CEACAM8: variants seen among roughly 807,000 people sequenced by gnomAD.
CEACAM8 encodes CEA cell adhesion molecule 8, also known as cell adhesion molecule CEACAM8.
CEACAM8 carries 31 observed loss-of-function variants against 33.4 expected under a neutral mutation model. The observed-to-expected ratio is 0.93, with a 90% CI of 0.70 to 1.25. CEACAM8 has a LOEUF of 1.25. Among genes scored for constraint, CEACAM8 ranks in the 50% most tolerant of loss-of-function variants. The probability of loss-of-function intolerance (pLI) is 0.00; values close to 1 mark genes in which losing one functional copy is unlikely to be tolerated. For synonymous variants in CEACAM8, 138 were observed against 164.5 expected (o/e 0.84, Z 1.23); for missense variants, 388 against 434.6 (o/e 0.89, Z 0.95).
chr19:42,592,619 A>G (rs1355133575), intron 2 of CEACAM8, among the ~76,000 whole-genome samples: 1 of 151,270 alleles, frequency 6.6e-6, no homozygotes, highest in African/African-American at 2.4e-5. Flanking sequence ...AAAAAAAAAA[A>G]AGAAATAAAA....
chr19:42,583,297 T>C lies in CEACAM8; in HGVS notation c.999A>G (p.Arg333=), dbSNP rs750122739. 4 of 1,613,508 alleles carry C rather than the reference T, an allele frequency of 2.5e-6. No homozygotes were observed. Among genetic ancestry groups the C allele is most frequent in the African/African-American group, 1.3e-5 (1 of 74,860 alleles). Residue 333 remains arginine (R), a synonymous_variant, in exon 5 of 6, where the codon AGA becomes AGG. Transcript: ENST00000244336. ...VQGSSPGLSA[R]ATVSIMIGVL... ...CTCCAATCATGATGCTGACAGTGGC[T>C]CTAGCTGAGAGGCCAGGAGAACTTC... is the stretch of plus-strand genomic sequence containing the variant.
chr19:42,584,716 A>G (rs2042306432), intron 4 of CEACAM8, among the ~76,000 whole-genome samples: 1 of 152,254 alleles, frequency 6.6e-6, no homozygotes, highest in Non-Finnish European at 1.5e-5. Flanking sequence ...TGTGCAAGAA[A>G]TTTATAACTG....
At chr19:42,588,242 C>G (rs1292168478) in intron 4 of CEACAM8, among the ~76,000 whole-genome samples, 1 of 152,170 alleles carries the variant, frequency 6.6e-6, no homozygotes, top group Admixed American at 6.5e-5. Context: ...CTTTTCCATA[C>G]ACCTGGGTCC....
At chr19:42,590,543 G>A (rs2042418498) in intron 2 of CEACAM8, among the ~76,000 whole-genome samples, 1 of 152,242 alleles carries the variant, frequency 6.6e-6, no homozygotes, top group Non-Finnish European at 1.5e-5. Flanking sequence ...GACGGGTGGG[G>A]AGGGGGAGCC....
At position 42,593,742 on chromosome 19, in the gene CEACAM8, C is replaced by A; in HGVS notation, c.223G>T (p.Ala75Ser). 2 of 1,614,044 alleles carry A rather than the reference C, an allele frequency of 1.2e-6. No homozygotes were observed. The highest frequency in any genetic ancestry group is 1.7e-6 in the Non-Finnish European group (2 of 1,180,006). ...YNWYKGETVD[A>S]NRRIIGYVIS... is the part of the protein sequence containing the mutation. ...ACATATCCTATAATTCGACGGTTGG[C>A]ATCCACTGTTTCCCCTTTGTACCAG... Residue 75 changes from alanine (A) to serine (S), a missense_variant, in exon 2 of 6, where the codon GCC (alanine) becomes TCC (serine). Transcript: ENST00000244336.
Position 42,594,759 on chromosome 19 carries a change from C to G in CEACAM8, c.64+6G>C, listed in dbSNP as rs748229439. On this transcript the variant is annotated splice_donor_region_variant and intron_variant, in intron 1 of 5. Coordinates refer to ENST00000244336, the MANE Select transcript of CEACAM8 (RefSeq NM_001816.4). Reference sequence around the variant, plus strand: ...CCTGTCCTTTCCCAGGAAGTCCTCTCCTCACCTGTGAGCAGGAGCCCCTGC... The same window carrying G: ...CCTGTCCTTTCCCAGGAAGTCCTCTGCTCACCTGTGAGCAGGAGCCCCTGC... The G allele has an allele frequency of 5.0e-6, 8 of 1,608,290 alleles. No individual in the cohort carries two copies. In the East Asian group the frequency reaches 1.8e-4, roughly 36 times the overall value.
At chr19:42,594,601 G>A (rs1305808853) in intron 1 of CEACAM8, among the ~76,000 whole-genome samples, 164 bp downstream of exon 1, 1 of 152,124 alleles carries the variant, frequency 6.6e-6, no homozygotes, top group Non-Finnish European at 1.5e-5. Context: ...CCAGTTCAAT[G>A]TGATTTTCCT....
At position 42,589,710 on chromosome 19, in the gene CEACAM8, G is replaced by A. The variant is rs1600297971; in HGVS notation, c.450C>T (p.Ser150=). 1.9e-6 allele frequency: 3 copies of A among 1,614,112 alleles called. No homozygotes were observed. The highest frequency in any genetic ancestry group is 2.7e-5 in the African/African-American group (2 of 74,924). ...VHPETPKPSI[S]SNNSNPVEDK... ...CCTCCACGGGGTTGGAGTTGTTGCTGGAGATGGAGGGCTTGGGAGTCTCCG... is the reference window on the plus strand; with the variant it reads ...CCTCCACGGGGTTGGAGTTGTTGCTAGAGATGGAGGGCTTGGGAGTCTCCG... Residue 150 remains serine, a synonymous_variant, in exon 3 of 6, where the codon TCC becomes TCT. Transcript: ENST00000244336.
chr19:42,590,713 G>A (rs1201956478), intron 2 of CEACAM8, among the ~76,000 whole-genome samples: 1 of 152,144 alleles, frequency 6.6e-6, no homozygotes, highest in East Asian at 1.9e-4. Flanking sequence ...ACTTACATGA[G>A]GTTCCTAGGG....
At chr19:42,583,037 G>A (rs1489836371) in intron 5 of CEACAM8, 169 bp downstream of exon 5, 1 of 557,370 alleles carries the variant, frequency 1.8e-6, no homozygotes, top group African/African-American at 1.9e-5. Flanking sequence ...AAGAGACAGT[G>A]GGGTACAGGG....
chr19:42,592,090 C>T (rs2042451000), intron 2 of CEACAM8, among the ~76,000 whole-genome samples: 1 of 152,150 alleles, frequency 6.6e-6, no homozygotes, highest in Non-Finnish European at 1.5e-5. Context: ...GCTCTCACTT[C>T]TCTGAGCTTT....
In CEACAM8 at chr19:42,583,233, T is replaced by C; in HGVS notation, c.*13A>G. On this transcript the variant is annotated 3_prime_UTR_variant, in exon 5 of 6. Transcript: ENST00000244336. ...GCCAGTCTTCTTGAAATGCAGAAAC[T>C]ACACCAGAGCTACTATATCAGAGCC... is the stretch of plus-strand genomic sequence containing the variant. 6.4e-7 allele frequency: 1 copy of C among 1,555,382 alleles called. No homozygotes were observed. Among genetic ancestry groups the C allele is most frequent in the Non-Finnish European group, 8.8e-7 (1 of 1,131,132 alleles).
chr19:42,591,369 G>A (rs1232123181), intron 2 of CEACAM8, among the ~76,000 whole-genome samples: 1 of 152,194 alleles, frequency 6.6e-6, no homozygotes, highest in Admixed American at 6.5e-5. Context: ...CCCAGGTAGA[G>A]GGAGGCACGT....
At chr19:42,588,667 G>A (rs2042376781) in intron 4 of CEACAM8, 117 bp downstream of exon 4, 4 of 1,134,154 alleles carry the variant, frequency 3.5e-6, no homozygotes, top group African/African-American at 3.1e-5. Context: ...AAAAGTTGGG[G>A]ATTTGCTTGT....
intron 4 of CEACAM8, among the ~76,000 whole-genome samples, chr19:42,584,387 A>C (rs1457055689): frequency 2.6e-5 from 4 of 152,210 alleles, no homozygotes; most frequent in Admixed American, 2.6e-4. Flanking sequence ...TGATTTATAC[A>C]ATAACTCTCT....
chr19:42,588,689 C>G (rs2042376955), intron 4 of CEACAM8, 95 bp downstream of exon 4: 1 of 1,402,214 alleles, frequency 7.1e-7, no homozygotes, highest in South Asian at 1.3e-5. Context: ...CTGTTGGACA[C>G]AGGCTGGGAA....
At chr19:42,585,941 T>TA (rs1263926281) in intron 4 of CEACAM8, among the ~76,000 whole-genome samples, 2 of 152,096 alleles carry the variant, frequency 1.3e-5, no homozygotes, top group African/African-American at 4.8e-5. Context: ...TTCTATACAC[T>TA]AACAATGAAC....
chr19:42,590,708 C>T (rs898367699), intron 2 of CEACAM8, among the ~76,000 whole-genome samples: 1 of 152,162 alleles, frequency 6.6e-6, no homozygotes, highest in South Asian at 2.1e-4. Flanking sequence ...ATTCCACTTA[C>T]ATGAGGTTCC....
chr19:42,585,297 G>A (rs1485753664), intron 4 of CEACAM8, among the ~76,000 whole-genome samples: 1 of 120,650 alleles, frequency 8.3e-6, no homozygotes. Flanking sequence ...AGTGAGACTC[G>A]TCTTTCTCTC....
Sources: gnomAD v4.1 joint callset for allele counts (sites outside exome capture counted in the v4.1 genomes callset) on GRCh38, gnomAD v4.1.1 for gene constraint, MANE v1.5 for transcripts, NCBI Gene and HGNC (gene_info 2026-07-23, HGNC 2026-07-21) for gene names.